CNTNAP5: variants seen among roughly 807,000 people sequenced by gnomAD.
CNTNAP5 encodes contactin-associated protein-like 5.
Under a neutral mutation model 150.2 loss-of-function variants are expected in CNTNAP5, and 72 were observed. That is an observed-to-expected ratio of 0.48 (90% CI 0.40 to 0.58). The LOEUF (loss-of-function observed/expected upper bound fraction) is 0.58, where lower values mean the gene tolerates loss of function less well. CNTNAP5 is among the 20% of genes least tolerant of loss of function. The pLI is 0.00. For missense variants in CNTNAP5, 1,636 were observed against 1,626.2 expected (o/e 1.01, Z -0.10); for synonymous variants, 672 against 619.8 (o/e 1.08, Z -1.25).
chr2:124,299,497 G>A (rs1688522026), intron 3 of CNTNAP5, among the ~76,000 whole-genome samples: 1 of 152,144 alleles, frequency 6.6e-6, no homozygotes, highest in African/African-American at 2.4e-5. Flanking sequence ...CTCCATCCAT[G>A]TCTCTGCAAA....
chr2:124,333,513 T>G lies in CNTNAP5; in HGVS notation c.382-83930T>G, dbSNP rs143631349. On this transcript the variant is annotated intron_variant, in intron 3 of 23. Transcript: ENST00000682447. ...GTCAGGTGGAACAAAGAGGAAGATT[T>G]AAAATATATGTCAATGTAATATAAA... is the stretch of plus-strand genomic sequence containing the variant. Among the ~76,000 whole-genome samples the G allele has an allele frequency of 4.9e-4, 75 of 152,276 alleles. 1 individual carries two copies. In the East Asian group the frequency reaches 0.011, roughly 22 times the overall value.
chr2:124,351,524 T>A (rs1475259713), intron 3 of CNTNAP5, among the ~76,000 whole-genome samples: 1 of 152,078 alleles, frequency 6.6e-6, no homozygotes, highest in Non-Finnish European at 1.5e-5. Context: ...TGGATTCCAG[T>A]TGGCATATTG....
At chr2:124,319,758 CCCCTATA>C (rs1689054557) in intron 3 of CNTNAP5, among the ~76,000 whole-genome samples, 1 of 152,074 alleles carries the variant, frequency 6.6e-6, no homozygotes, top group Admixed American at 6.6e-5. Context: ...TAGCACCTTT[CCCCTATA>C]CTGTGACAAT....
chr2:124,158,746 A>C lies in CNTNAP5; in HGVS notation c.83-62959A>C, dbSNP rs549444493. On this transcript the variant is annotated intron_variant, in intron 1 of 23. Transcript: ENST00000682447. ...AGTTATGTTCTTGTCCTCAAAATAG[A>C]TTGTTGCCTTTCTAGGCATCAGATT... is the stretch of plus-strand genomic sequence containing the variant. Among the ~76,000 whole-genome samples, 3 of 152,292 alleles carry C rather than the reference A, an allele frequency of 2.0e-5. No homozygotes were observed. The East Asian group carries it at 5.8e-4, about 29-fold the overall frequency.
intron 19 of CNTNAP5, among the ~76,000 whole-genome samples, chr2:124,846,623 T>C (rs1683053027): frequency 6.6e-6 from 1 of 152,204 alleles, no homozygotes; most frequent in African/African-American, 2.4e-5. Context: ...GCTGGTATGA[T>C]CTTTTGGGGG....
At chr2:124,670,507 T>G (rs902288285) in intron 13 of CNTNAP5, among the ~76,000 whole-genome samples, 3 of 152,148 alleles carry the variant, frequency 2.0e-5, no homozygotes, top group Non-Finnish European at 4.4e-5. Context: ...TTTTTCCCAT[T>G]CTATCTTTTC....
intron 21 of CNTNAP5, among the ~76,000 whole-genome samples, chr2:124,878,844 G>A (rs139057670): frequency 0.012 from 1,725 of 147,150 alleles, 41 homozygotes; most frequent in African/African-American, 0.042. Context: ...CACCTCGCCC[G>A]GCCAATTTTT....
intron 3 of CNTNAP5, among the ~76,000 whole-genome samples, chr2:124,396,757 G>A (rs1367244): frequency 0.51 from 77,573 of 151,968 alleles, 21,076 homozygotes; most frequent in South Asian, 0.63. Flanking sequence ...TAGGGCTTGA[G>A]ATAGATCTTT....
chr2:124,918,737 G>T lies in CNTNAP5; in HGVS notation c.*4449G>T, dbSNP rs1678817295. Among the ~76,000 whole-genome samples the T allele has an allele frequency of 6.6e-6, 1 of 152,146 alleles. No individual in the cohort carries two copies. Among genetic ancestry groups the T allele is most frequent in the African/African-American group, 2.4e-5 (1 of 41,540 alleles). On this transcript the variant is annotated 3_prime_UTR_variant, in exon 24 of 24. Coordinates refer to ENST00000682447, the MANE Select transcript of CNTNAP5 (RefSeq NM_001367498.1). ...GTTCTGCCAGTCATTCTTCCTTAATGAAAAGGCTTGGACATACTTAGTCCT... is the reference window on the plus strand; with the variant it reads ...GTTCTGCCAGTCATTCTTCCTTAATTAAAAGGCTTGGACATACTTAGTCCT...
chr2:124,904,460 C>T (rs1313154879), intron 22 of CNTNAP5, among the ~76,000 whole-genome samples: 2 of 151,864 alleles, frequency 1.3e-5, no homozygotes, highest in Non-Finnish European at 2.9e-5. Context: ...GCATCTCACT[C>T]CCTGATTTCA....
At chr2:124,811,258 A>G (rs1387170659) in intron 19 of CNTNAP5, among the ~76,000 whole-genome samples, 3 of 152,194 alleles carry the variant, frequency 2.0e-5, no homozygotes, top group African/African-American at 7.2e-5. Context: ...CAACATATTT[A>G]GTAAAATAGA....
chr2:124,221,892 C>T (rs75221672), intron 2 of CNTNAP5, 83 bp downstream of exon 2: 12,751 of 839,692 alleles, frequency 0.015, 124 homozygotes, highest in Non-Finnish European at 0.02. Context: ...CACTCTCAGA[C>T]ACTGAAATCA....
At chr2:124,803,242 G>A (rs533560439) in intron 19 of CNTNAP5, among the ~76,000 whole-genome samples, 1 of 152,272 alleles carries the variant, frequency 6.6e-6, no homozygotes, top group East Asian at 1.9e-4. Flanking sequence ...TGGGAGAGAA[G>A]GTCAGAAAAG....
chr2:124,514,934 T>C (rs1325757992), intron 8 of CNTNAP5, among the ~76,000 whole-genome samples: 1 of 152,184 alleles, frequency 6.6e-6, no homozygotes, highest in African/African-American at 2.4e-5. Context: ...CTCTTGAGTT[T>C]AGCTTAATGG....
chr2:124,309,913 A>T (rs1688781598), intron 3 of CNTNAP5, among the ~76,000 whole-genome samples: 1 of 152,188 alleles, frequency 6.6e-6, no homozygotes. Flanking sequence ...TAACAGGAAC[A>T]GTGTCTTGCC....
At chr2:124,834,436 C>T (rs1682786194) in intron 19 of CNTNAP5, among the ~76,000 whole-genome samples, 1 of 152,112 alleles carries the variant, frequency 6.6e-6, no homozygotes, top group Non-Finnish European at 1.5e-5. Flanking sequence ...GGAGAAATGG[C>T]TAATTGTGCC....
intron 13 of CNTNAP5, among the ~76,000 whole-genome samples, chr2:124,700,446 T>C (rs1254685677): frequency 6.6e-6 from 1 of 152,132 alleles, no homozygotes; most frequent in Non-Finnish European, 1.5e-5. Flanking sequence ...CTTTTTTCCA[T>C]AGAAGCTGCA....
At chr2:124,167,595 A>C (rs1170442929) in intron 1 of CNTNAP5, among the ~76,000 whole-genome samples, 1 of 152,148 alleles carries the variant, frequency 6.6e-6, no homozygotes. Flanking sequence ...TAGTATTCTG[A>C]AAATAATTGT....
chr2:124,091,392 G>T (rs969286576), intron 1 of CNTNAP5, among the ~76,000 whole-genome samples: 2 of 152,094 alleles, frequency 1.3e-5, no homozygotes, highest in Non-Finnish European at 2.9e-5. Flanking sequence ...GAAGGAGAGA[G>T]AAATGACTTG....
Sources: allele counts gnomAD v4.1 joint callset (sites outside exome capture counted in the v4.1 genomes callset), GRCh38; gene constraint gnomAD v4.1.1; transcripts MANE v1.5; gene names NCBI Gene and HGNC (gene_info 2026-07-23, HGNC 2026-07-21).